Variants in SPARCL1 observed in about 807,000 individuals in gnomAD.
SPARCL1 encodes the protein SPARC like 1, also known as SPARC-like protein 1.
SPARCL1 carries 52 observed loss-of-function variants against 67.1 expected under a neutral mutation model. The ratio of observed to expected loss-of-function variants is 0.78; its 90% CI spans 0.62 to 0.98. The LOEUF is 0.98. Ranked by LOEUF, SPARCL1 falls within the 50% of genes least tolerant of loss-of-function variation. The pLI, the probability that SPARCL1 is intolerant of heterozygous loss-of-function variation, is 0.00. For synonymous variants in SPARCL1, 226 were observed against 267.8 expected (o/e 0.84, Z 1.52); for missense variants, 717 against 782.4 (o/e 0.92, Z 1.00).
intron 10 of SPARCL1, among the ~76,000 whole-genome samples, chr4:87,474,796 G>C (rs1208469747): frequency 1.1e-4 from 15 of 139,836 alleles, no homozygotes; most frequent in African/African-American, 4.0e-4. Flanking sequence ...AGGCCAGACT[G>C]AAGTGGCGCA....
intron 1 of SPARCL1, among the ~76,000 whole-genome samples, chr4:87,501,665 A>C (rs1212028526): frequency 2.0e-5 from 3 of 151,954 alleles, no homozygotes; most frequent in Admixed American, 6.6e-5. Context: ...ATTTGGCCCT[A>C]GTCTTCTGAA....
chr4:87,486,087 T>G (rs1030469174), intron 7 of SPARCL1, among the ~76,000 whole-genome samples: 3 of 152,328 alleles, frequency 2.0e-5, no homozygotes, highest in Non-Finnish European at 4.4e-5. Flanking sequence ...CTGATCTTAG[T>G]TATTTCTTGT....
chr4:87,518,435 C>T (rs1291079774), intron 1 of SPARCL1, among the ~76,000 whole-genome samples: 2 of 152,176 alleles, frequency 1.3e-5, no homozygotes, highest in African/African-American at 4.8e-5. Context: ...TTGAATGATC[C>T]AATCCAGAGT....
At chr4:87,522,354 G>A (rs1725851503) in intron 1 of SPARCL1, among the ~76,000 whole-genome samples, 1 of 151,936 alleles carries the variant, frequency 6.6e-6, no homozygotes, top group Admixed American at 6.6e-5. Flanking sequence ...GCTAGGGATA[G>A]ACATGGTCAT....
chr4:87,525,676 AG>A (rs1726009357), intron 1 of SPARCL1, among the ~76,000 whole-genome samples: 2 of 152,232 alleles, frequency 1.3e-5, no homozygotes, highest in Admixed American at 1.3e-4. Flanking sequence ...AAATCTTTAA[AG>A]GAAACATTTA....
intron 10 of SPARCL1, among the ~76,000 whole-genome samples, chr4:87,478,748 T>C (rs1316604583): frequency 6.6e-6 from 1 of 152,166 alleles, no homozygotes; most frequent in Non-Finnish European, 1.5e-5. Context: ...TTTCATATCT[T>C]AATTATTGAA....
At chr4:87,476,552 G>A (rs1723591707) in intron 10 of SPARCL1, among the ~76,000 whole-genome samples, 1 of 152,120 alleles carries the variant, frequency 6.6e-6, no homozygotes, top group Non-Finnish European at 1.5e-5. Context: ...AGTACTCTTA[G>A]GATAATGTCT....
intron 1 of SPARCL1, among the ~76,000 whole-genome samples, chr4:87,518,398 C>T (rs997099279): frequency 1.4e-4 from 22 of 152,172 alleles, no homozygotes; most frequent in African/African-American, 4.6e-4. Context: ...GAGTTTGAGG[C>T]TGCAGTTATC....
intron 1 of SPARCL1, among the ~76,000 whole-genome samples, chr4:87,503,519 T>C (rs1008138060): frequency 2.0e-5 from 3 of 152,216 alleles, no homozygotes; most frequent in African/African-American, 7.2e-5. Context: ...TGGCAACATA[T>C]GTATATGTTT....
chr4:87,481,202 C>A lies in SPARCL1; in HGVS notation c.1669-682G>T, dbSNP rs569152916. On this transcript the variant is annotated intron_variant, in intron 8 of 10. Transcript: ENST00000282470. ...GAACCACAACTTTGCTCCCTGCGAC[C>A]TTCCTGTGCTCCTAACCTAAGTCCA... is the stretch of plus-strand genomic sequence containing the variant. 3.8e-4 allele frequency among the ~76,000 whole-genome samples: 58 copies of A among 152,320 alleles called. No individual in the cohort carries two copies. The South Asian group carries it at 9.5e-3, about 25-fold the overall frequency.
At chr4:87,474,446 G>T (rs1723480039) in intron 10 of SPARCL1, among the ~76,000 whole-genome samples, 1 of 151,724 alleles carries the variant, frequency 6.6e-6, no homozygotes, top group African/African-American at 2.4e-5. Flanking sequence ...GGAGATAATA[G>T]CTTCATTAGT....
intron 1 of SPARCL1, among the ~76,000 whole-genome samples, chr4:87,500,371 G>A (rs925974562): frequency 6.6e-6 from 1 of 152,186 alleles, no homozygotes; most frequent in Non-Finnish European, 1.5e-5. Context: ...GTGAGGCTCA[G>A]AGAGGTTAAG....
In SPARCL1 at chr4:87,479,596, G is replaced by A; in HGVS notation, c.1818-18C>T. The A allele has an allele frequency of 1.9e-6, 3 of 1,611,808 alleles. No individual in the cohort carries two copies. The highest frequency in any genetic ancestry group is 2.5e-6 in the Non-Finnish European group (3 of 1,178,972). ...TCAAGACTCTGCAATGAAATACATG[G>A]CATCCTATTAATTGAGTAGCTTGTG... On this transcript the variant is annotated intron_variant, in intron 9 of 10. Transcript: ENST00000282470.
At chr4:87,474,547 T>C (rs1424564846) in intron 10 of SPARCL1, among the ~76,000 whole-genome samples, 18 of 152,190 alleles carry the variant, frequency 1.2e-4, no homozygotes, top group Non-Finnish European at 2.5e-4. Flanking sequence ...TTAAGGCTAA[T>C]TCCTCTACCT....
Position 87,494,505 on chromosome 4 carries a change from C to T in SPARCL1, c.295G>A (p.Asp99Asn), listed in dbSNP as rs376909339. 3.1e-6 allele frequency: 5 copies of T among 1,614,012 alleles called. No homozygotes were observed. In the African/African-American group the frequency reaches 4.0e-5, roughly 13 times the overall value. The change falls in exon 4 of 11, where the codon GAT becomes AAT. Residue 99 changes from aspartate (D) to asparagine (N), a missense_variant. Coordinates refer to ENST00000282470, the MANE Select transcript of SPARCL1 (RefSeq NM_004684.6). ...AAGTGACCATCACTGTCCTCTTGAT[C>T]CTTCAATCCCAGCTCTTGGCTAGAA... ...KSSSQELGLK[D>N]QEDSDGHLSV... is the part of the protein sequence containing the mutation.
intron 8 of SPARCL1, among the ~76,000 whole-genome samples, chr4:87,481,812 C>T (rs1723833878): frequency 1.3e-5 from 2 of 152,152 alleles, no homozygotes; most frequent in African/African-American, 4.8e-5. Context: ...ACAAACATTA[C>T]ATACACACAC....
At chr4:87,487,572 T>C (rs1384491712) in intron 7 of SPARCL1, among the ~76,000 whole-genome samples, 1 of 152,228 alleles carries the variant, frequency 6.6e-6, no homozygotes, top group Non-Finnish European at 1.5e-5. Context: ...TTATGTGTCT[T>C]GGAGTTGCTC....
At chr4:87,493,455 T>G (rs1339682724) in intron 4 of SPARCL1, 127 bp downstream of exon 4, 2 of 768,592 alleles carry the variant, frequency 2.6e-6, no homozygotes, top group Non-Finnish European at 4.0e-6. Flanking sequence ...AAGAAATAAC[T>G]GTAATATATT....
At chr4:87,490,519 T>C in intron 6 of SPARCL1, 126 bp from the exon 7 acceptor site, 1 of 1,146,922 alleles carries the variant, frequency 8.7e-7, no homozygotes, top group Non-Finnish European at 1.2e-6. Flanking sequence ...GGTGAGACTA[T>C]TAAAATCGTA....
Sources: allele counts gnomAD v4.1 joint callset (sites outside exome capture counted in the v4.1 genomes callset), GRCh38; gene constraint gnomAD v4.1.1; transcripts MANE v1.5; gene names NCBI Gene and HGNC (gene_info 2026-07-23, HGNC 2026-07-21).